SLA: variants seen among roughly 807,000 people sequenced by gnomAD.
The protein encoded by SLA is src-like-adapter.
Under a neutral mutation model 30.3 loss-of-function variants are expected in SLA, and 16 were observed. The observed-to-expected ratio is 0.53, with a 90% CI of 0.36 to 0.80. The LOEUF is 0.80. Among genes scored for constraint, SLA ranks in the 30% least tolerant of loss-of-function variants. The probability of loss-of-function intolerance (pLI) is 0.01; values close to 1 mark genes in which losing one functional copy is unlikely to be tolerated. For synonymous variants in SLA, 143 were observed against 137.8 expected (o/e 1.04, Z -0.26); for missense variants, 310 against 345.2 (o/e 0.90, Z 0.81).
Position 133,038,433 on chromosome 8 carries a change from A to G in SLA, c.*91T>C, listed in dbSNP as rs3739266. The G allele has an allele frequency of 0.48, 467,475 of 973,326 alleles. 116,474 individuals carry two copies. The highest frequency in any genetic ancestry group is 0.57 in the African/African-American group (35,386 of 61,936). The allele number at this position is 973,326 out of a possible 1,614,324, so 60.3% of individuals were successfully genotyped here. On this transcript the variant is annotated 3_prime_UTR_variant, in exon 9 of 9. Coordinates refer to ENST00000338087, the MANE Select transcript of SLA (RefSeq NM_001045556.3). Reference sequence around the variant, plus strand: ...GGCTTCTAAAATACGTGAGGCTCCCAGGGATCAGGGAACCTCGCTTTTCGC... The same window carrying G: ...GGCTTCTAAAATACGTGAGGCTCCCGGGGATCAGGGAACCTCGCTTTTCGC...
In SLA at chr8:133,067,842, C is replaced by CAG. The variant is rs1209031571; in HGVS notation, c.-41+7009_-41+7010dup. Among the ~76,000 whole-genome samples the CAG allele has an allele frequency of 8.7e-4, 110 of 126,952 alleles. 1 individual carries two copies. Among genetic ancestry groups the CAG allele is most frequent in the Non-Finnish European group, 1.4e-3 (86 of 61,314 alleles). 83.3% of individuals were successfully genotyped at this position (126,952 alleles called of 152,430 possible). Reference sequence around the variant, plus strand: ...GAAGGAAGGGGGAGAGAGAGAGAGACAGAGAGAGAGAGAAAGAAAGAAAGA... The same window carrying CAG: ...GAAGGAAGGGGGAGAGAGAGAGAGACAGAGAGAGAGAGAGAAAGAAAGAAAGA... On this transcript the variant is annotated intron_variant, in intron 2 of 8. Transcript: ENST00000338087.
chr8:133,101,225 G>A (rs770997481), intron 1 of SLA, among the ~76,000 whole-genome samples: 18 of 152,180 alleles, frequency 1.2e-4, no homozygotes, highest in Non-Finnish European at 2.2e-4. Context: ...ACACAGAACT[G>A]CAAGAGGGCA....
intron 5 of SLA, among the ~76,000 whole-genome samples, chr8:133,048,191 C>T (rs999088825): frequency 2.0e-5 from 3 of 152,110 alleles, no homozygotes; most frequent in Admixed American, 6.5e-5. Context: ...TCCATAACCA[C>T]CTCACTTCAC....
chr8:133,081,530 A>G (rs1439351914), intron 1 of SLA, among the ~76,000 whole-genome samples: 1 of 152,152 alleles, frequency 6.6e-6, no homozygotes, highest in East Asian at 1.9e-4. Flanking sequence ...CTAAATGTGT[A>G]TGTCATCAGA....
chr8:133,082,940 C>T (rs886746990), intron 1 of SLA, among the ~76,000 whole-genome samples: 3 of 152,176 alleles, frequency 2.0e-5, no homozygotes, highest in African/African-American at 7.2e-5. Context: ...CAGTTATAAC[C>T]GACTAGATGG....
At chr8:133,088,522 C>A (rs1297676013) in intron 1 of SLA, among the ~76,000 whole-genome samples, 4 of 152,140 alleles carry the variant, frequency 2.6e-5, no homozygotes, top group Non-Finnish European at 5.9e-5. Flanking sequence ...AATAGGGATT[C>A]TAATATTACA....
Position 133,047,536 on chromosome 8 carries a change from C to T in SLA, c.352+294G>A, listed in dbSNP as rs746848772. ...TTCTATCTGCACAGCATGCTGCCTA[C>T]ACACTGCGTTCAGTTTTGTTCTCAG... On this transcript the variant is annotated intron_variant, in intron 6 of 8. Coordinates refer to ENST00000338087, the MANE Select transcript of SLA (RefSeq NM_001045556.3). 1.6e-5 allele frequency: 7 copies of T among 433,244 alleles called. No individual in the cohort carries two copies. The East Asian group carries it at 2.0e-4, about 12-fold the overall frequency. 26.8% of individuals were successfully genotyped at this position (433,244 alleles called of 1,614,324 possible).
chr8:133,040,071 C>T lies in SLA; in HGVS notation c.544G>A (p.Ala182Thr). The change falls in exon 8 of 9, where the codon GCC (alanine) becomes ACC (threonine). Residue 182 changes from alanine to threonine, a missense_variant. Physicochemically the swap from Ala to Thr is moderately conservative, Grantham distance 58 (BLOSUM62 0). Coordinates refer to ENST00000338087, the MANE Select transcript of SLA (RefSeq NM_001045556.3). Reference protein sequence around the residue: ...TTPCLTQSTAAPAVRASSSPV... With the variant: ...TTPCLTQSTATPAVRASSSPV... ...GAGCTGGAGGCCCTCACTGCTGGGGCAGCCGTGCTTTGTGTCAGGCAGGGC... is the reference window on the plus strand; with the variant it reads ...GAGCTGGAGGCCCTCACTGCTGGGGTAGCCGTGCTTTGTGTCAGGCAGGGC... The T allele has an allele frequency of 1.9e-6, 3 of 1,557,126 alleles. No individual in the cohort carries two copies. The highest frequency in any genetic ancestry group is 2.6e-6 in the Non-Finnish European group (3 of 1,149,936).
At chr8:133,058,610 G>C (rs1169069402) in intron 3 of SLA, among the ~76,000 whole-genome samples, 3 of 152,182 alleles carry the variant, frequency 2.0e-5, no homozygotes, top group Non-Finnish European at 4.4e-5. Context: ...TTTTCTAGCA[G>C]TGGTTATGAC....
intron 1 of SLA, chr8:133,094,855 T>C: frequency 1.4e-6 from 1 of 738,544 alleles, no homozygotes; most frequent in Non-Finnish European, 2.3e-6. Context: ...ACATCTTCAG[T>C]ATCACACTGC....
chr8:133,061,815 C>T (rs1842408461), intron 2 of SLA, among the ~76,000 whole-genome samples: 2 of 152,186 alleles, frequency 1.3e-5, no homozygotes, highest in African/African-American at 4.8e-5. Context: ...GAAAGAAGTA[C>T]ACTCTCAGAG....
At chr8:133,096,515 T>C in intron 1 of SLA, 1 of 1,007,758 alleles carries the variant, frequency 9.9e-7, no homozygotes, top group East Asian at 2.5e-5. Flanking sequence ...TAGGAGGTGG[T>C]AATGGGGGGA....
chr8:133,052,887 C>G (rs1345265457), intron 3 of SLA, among the ~76,000 whole-genome samples: 2 of 152,236 alleles, frequency 1.3e-5, no homozygotes, highest in Non-Finnish European at 2.9e-5. Flanking sequence ...CCTCCTTCTC[C>G]TCTTGGGCCT....
rs376711807 is a variant in SLA at position 133,070,029 on chromosome 8, A to AAAAAAAAAAAAAAAAAAAAAAAAC, written c.-41+4823_-41+4824insGTTTTTTTTTTTTTTTTTTTTTTT. On this transcript the variant is annotated intron_variant, in intron 2 of 8. Transcript: ENST00000338087. ...AAAAAAAAAAAAAAAAAAAAAAAGA[A>AAAAAAAAAAAAAAAAAAAAAAAAC]AGAAAGAAAGAAAAGAAAAGAAGAA... Among the ~76,000 whole-genome samples, 3 of 109,812 alleles carry AAAAAAAAAAAAAAAAAAAAAAAAC rather than the reference A, an allele frequency of 2.7e-5. 1 individual carries two copies. The highest frequency in any genetic ancestry group is 1.2e-4 in the African/African-American group (3 of 25,790). The allele number at this position is 109,812 out of a possible 152,430, so 72.0% of individuals were successfully genotyped here.
intron 1 of SLA, among the ~76,000 whole-genome samples, chr8:133,091,930 T>G (rs1468339550): frequency 6.6e-6 from 1 of 152,024 alleles, no homozygotes; most frequent in Non-Finnish European, 1.5e-5. Flanking sequence ...TACGTCTGTG[T>G]GTGTGTGTGT....
At chr8:133,047,590 TC>T in intron 6 of SLA, 1 of 540,962 alleles carries the variant, frequency 1.8e-6, no homozygotes, top group Non-Finnish European at 3.3e-6. Flanking sequence ...GCAGGAGTCA[TC>T]AGGCCTGATG....
At chr8:133,052,195 T>C (rs915331140) in intron 3 of SLA, among the ~76,000 whole-genome samples, 3 of 152,198 alleles carry the variant, frequency 2.0e-5, no homozygotes, top group African/African-American at 7.2e-5. Context: ...AGACTAAGTC[T>C]AAAGAGAGAT....
intron 1 of SLA, among the ~76,000 whole-genome samples, chr8:133,081,930 G>A (rs73350764): frequency 0.024 from 3,697 of 152,318 alleles, 155 homozygotes; most frequent in African/African-American, 0.085. Flanking sequence ...CAACAGAAGC[G>A]CAGAGGAGGA....
intron 2 of SLA, among the ~76,000 whole-genome samples, chr8:133,067,840 GAC>G (rs1843254281): frequency 6.7e-6 from 1 of 148,598 alleles, no homozygotes; most frequent in African/African-American, 2.5e-5. Flanking sequence ...GAGAGAGAGA[GAC>G]AGAGAGAGAG....
Sources: allele counts gnomAD v4.1 joint callset (sites outside exome capture counted in the v4.1 genomes callset), GRCh38; gene constraint gnomAD v4.1.1; transcripts MANE v1.5; gene names NCBI Gene and HGNC (gene_info 2026-07-23, HGNC 2026-07-21).